UBAP1: variants seen among roughly 807,000 people sequenced by gnomAD.
UBAP1 encodes the protein ubiquitin-associated protein 1.
In UBAP1, 5 loss-of-function variants were observed where a neutral mutation model predicts 39.0. The observed-to-expected ratio is 0.13, with a 90% CI of 0.07 to 0.27. The LOEUF (loss-of-function observed/expected upper bound fraction) is 0.27, where lower values mean the gene tolerates loss of function less well. Among genes scored for constraint, UBAP1 ranks in the 10% least tolerant of loss-of-function variants. The probability of loss-of-function intolerance (pLI) is 1.00; values close to 1 mark genes in which losing one functional copy is unlikely to be tolerated. For synonymous variants in UBAP1, 211 were observed against 225.1 expected (o/e 0.94, Z 0.56); for missense variants, 490 against 608.1 (o/e 0.81, Z 2.04).
Position 34,251,586 on chromosome 9 carries a change from C to A in UBAP1, c.*54C>A. 1.9e-6 allele frequency: 3 copies of A among 1,584,936 alleles called. No homozygotes were observed. The Admixed American group carries it at 5.5e-5, about 29-fold the overall frequency. ...GAACCACCATCCCTGGGAGGCCCTG[C>A]AGAGCCCACCTGTGGGGAAAGAGAA... On this transcript the variant is annotated 3_prime_UTR_variant, in exon 7 of 7. Transcript: ENST00000297661.
intron 1 of UBAP1, among the ~76,000 whole-genome samples, chr9:34,207,093 C>T (rs1463267655): frequency 1.4e-5 from 2 of 140,146 alleles, no homozygotes; most frequent in African/African-American, 5.3e-5. Context: ...CTCTTGTCGC[C>T]CAGGCTGGAG....
chr9:34,185,153 C>T (rs1192455226), intron 1 of UBAP1, among the ~76,000 whole-genome samples: 3 of 152,048 alleles, frequency 2.0e-5, no homozygotes, highest in East Asian at 2.0e-4. Flanking sequence ...AGGCTGGTCT[C>T]GAACTTCGGA....
intron 1 of UBAP1, among the ~76,000 whole-genome samples, chr9:34,211,167 A>G (rs982524569): frequency 6.6e-6 from 1 of 152,186 alleles, no homozygotes. Context: ...TTTATGGTCT[A>G]TCTAGAGTTG....
At chr9:34,181,336 T>C (rs930000967) in intron 1 of UBAP1, among the ~76,000 whole-genome samples, 7 of 149,654 alleles carry the variant, frequency 4.7e-5, no homozygotes, top group Non-Finnish European at 1.0e-4. Flanking sequence ...CAGGATGGTG[T>C]CCATCTGCTG....
At chr9:34,182,655 CTTTCTTTCTTTCTTTCTTTCTTTCTT>C (rs1830128928) in intron 1 of UBAP1, among the ~76,000 whole-genome samples, 1 of 60,600 alleles carries the variant, frequency 1.7e-5, no homozygotes, top group African/African-American at 4.2e-5. Flanking sequence ...TTCTTTCTTT[CTTTCTTTCTTTCTTTCTTTCTTTCTT>C]TCTCTCTCTC....
chr9:34,182,582 G>A (rs1298874262), intron 1 of UBAP1, among the ~76,000 whole-genome samples: 2 of 151,690 alleles, frequency 1.3e-5, no homozygotes, highest in African/African-American at 4.8e-5. Context: ...AATATTACAA[G>A]CTTTTCGTGT....
intron 2 of UBAP1, among the ~76,000 whole-genome samples, chr9:34,230,149 T>C (rs1418451169): frequency 1.3e-5 from 2 of 152,276 alleles, no homozygotes; most frequent in East Asian, 3.9e-4. Flanking sequence ...CTGCAACTTC[T>C]GCCTCCCGGG....
chr9:34,195,666 C>T lies in UBAP1; in HGVS notation c.-8+16426C>T, dbSNP rs368200138. On this transcript the variant is annotated intron_variant, in intron 1 of 6. Coordinates refer to ENST00000297661, the MANE Select transcript of UBAP1 (RefSeq NM_016525.5). The stretch of plus-strand genomic sequence containing the variant: ...AGGCTGGAGTGCAATGGCGCGATCT[C>T]GGCTCACCGCAACCTCCGCCTCCCA... 4.0e-5 allele frequency among the ~76,000 whole-genome samples: 6 copies of T among 151,234 alleles called. No homozygotes were observed. In the South Asian group the frequency reaches 6.3e-4, roughly 16 times the overall value.
In UBAP1 at chr9:34,250,642, T is replaced by G; in HGVS notation, c.1267-16T>G. The G allele has an allele frequency of 6.2e-7, 1 of 1,607,008 alleles. No homozygotes were observed. The highest frequency in any genetic ancestry group is 2.2e-5 in the East Asian group (1 of 44,742). On this transcript the variant is annotated splice_polypyrimidine_tract_variant and intron_variant, in intron 5 of 6. Coordinates refer to ENST00000297661, the MANE Select transcript of UBAP1 (RefSeq NM_016525.5). The stretch of plus-strand genomic sequence containing the variant: ...AGAGCAGCAGTAGGTGCTAAACCCC[T>G]TGTTTCTTTTCTTAGATTCTCGACT...
At chr9:34,230,032 A>G (rs1428578547) in intron 2 of UBAP1, among the ~76,000 whole-genome samples, 1 of 152,140 alleles carries the variant, frequency 6.6e-6, no homozygotes, top group African/African-American at 2.4e-5. Context: ...ACCAATCTAC[A>G]ATAGAACTTG....
Position 34,252,379 on chromosome 9 carries a change from A to C in UBAP1, c.*847A>C, listed in dbSNP as rs1333834045. On this transcript the variant is annotated 3_prime_UTR_variant, in exon 7 of 7. Transcript: ENST00000297661. ...CAATGAATAACACCTAGTCATAGAAATCAGTCTCTCTGGTTTGTTTTGTAT... is the reference window on the plus strand; with the variant it reads ...CAATGAATAACACCTAGTCATAGAACTCAGTCTCTCTGGTTTGTTTTGTAT... 6.5e-6 allele frequency: 1 copy of C among 152,702 alleles called. No homozygotes were observed. The highest frequency in any genetic ancestry group is 6.5e-5 in the Admixed American group (1 of 15,288). 9.5% of individuals were successfully genotyped at this position (152,702 alleles called of 1,614,324 possible).
At chr9:34,226,152 T>TGTGTGTGTGTGTGTGTGTGTGTGC in intron 2 of UBAP1, among the ~76,000 whole-genome samples, 1 of 142,478 alleles carries the variant, frequency 7.0e-6, no homozygotes. Flanking sequence ...TGTGTGTGTG[T>TGTGTGTGTGTGTGTGTGTGTGTGC]GTGTGGTGGG....
intron 1 of UBAP1, among the ~76,000 whole-genome samples, chr9:34,204,683 CT>C: frequency 6.6e-6 from 1 of 151,116 alleles, no homozygotes. Context: ...CCTAAAAGTT[CT>C]TTTTTTTTAA....
rs574775886 is a variant in UBAP1 at position 34,197,694 on chromosome 9, C to T, written c.-8+18454C>T. On this transcript the variant is annotated intron_variant, in intron 1 of 6. Coordinates refer to ENST00000297661, the MANE Select transcript of UBAP1 (RefSeq NM_016525.5). ...CCTCCCCAGTAGCTGGGGTTACAAG[C>T]ATGTGCTACCATGCCTGGCTAATTT... Among the ~76,000 whole-genome samples, 5 of 152,194 alleles carry T rather than the reference C, an allele frequency of 3.3e-5. No homozygotes were observed. The South Asian group carries it at 1.0e-3, about 32-fold the overall frequency.
At chr9:34,185,037 C>T (rs993387094) in intron 1 of UBAP1, among the ~76,000 whole-genome samples, 9 of 149,154 alleles carry the variant, frequency 6.0e-5, no homozygotes, top group African/African-American at 1.2e-4. Context: ...CGAGTTCAAG[C>T]GATTCTCCTG....
intron 1 of UBAP1, among the ~76,000 whole-genome samples, chr9:34,208,730 A>T (rs1023979851): frequency 6.7e-6 from 1 of 148,218 alleles, no homozygotes; most frequent in South Asian, 2.2e-4. Flanking sequence ...GTGAGCCGAG[A>T]TGGCACCACT....
At chr9:34,204,862 C>G (rs1042454427) in intron 1 of UBAP1, among the ~76,000 whole-genome samples, 7 of 152,054 alleles carry the variant, frequency 4.6e-5, no homozygotes, top group African/African-American at 1.7e-4. Context: ...AGTCTTTATT[C>G]AGTTGCAAGA....
At chr9:34,210,734 ATTTTTTTTT>A (rs545066753) in intron 1 of UBAP1, among the ~76,000 whole-genome samples, 1 of 146,484 alleles carries the variant, frequency 6.8e-6, no homozygotes, top group Non-Finnish European at 1.5e-5. Context: ...AAAAAAAAAA[ATTTTTTTTT>A]TTTACATGTT....
intron 1 of UBAP1, among the ~76,000 whole-genome samples, chr9:34,186,503 G>C (rs1830413435): frequency 6.6e-6 from 1 of 152,020 alleles, no homozygotes; most frequent in Non-Finnish European, 1.5e-5. Flanking sequence ...GTGTGTTTTG[G>C]CTGCTTCACT....
Sources: gnomAD v4.1 joint callset for allele counts (sites outside exome capture counted in the v4.1 genomes callset) on GRCh38, gnomAD v4.1.1 for gene constraint, MANE v1.5 for transcripts, NCBI Gene and HGNC (gene_info 2026-07-23, HGNC 2026-07-21) for gene names.